The following WDR7 variants were observed in gnomAD, a reference collection of about 807,000 sequenced individuals.
WDR7 encodes the protein WD repeat-containing protein 7.
In WDR7, 46 loss-of-function variants were observed where a neutral mutation model predicts 169.4. The ratio of observed to expected loss-of-function variants is 0.27; its 90% CI spans 0.21 to 0.35. WDR7 has a LOEUF of 0.35. WDR7 is among the 10% of genes least tolerant of loss of function. WDR7 has a pLI of 1.00. For missense variants in WDR7, 1,534 were observed against 1,859.3 expected (o/e 0.83, Z 3.22); for synonymous variants, 612 against 666.8 (o/e 0.92, Z 1.27).
At chr18:56,761,021 G>A (rs951503225) in intron 16 of WDR7, among the ~76,000 whole-genome samples, 58 of 152,018 alleles carry the variant, frequency 3.8e-4, no homozygotes, top group Non-Finnish European at 2.2e-4. Context: ...TGAAGTAAAT[G>A]TTCAACTCTT....
chr18:56,740,431 G>A (rs1187027043), intron 14 of WDR7, among the ~76,000 whole-genome samples: 3 of 151,974 alleles, frequency 2.0e-5, no homozygotes, highest in Admixed American at 2.0e-4. Context: ...GTTATATGCT[G>A]TAATCTCTTG....
intron 20 of WDR7, among the ~76,000 whole-genome samples, chr18:56,845,775 TAA>T (rs981349173): frequency 3.9e-5 from 6 of 152,176 alleles, no homozygotes; most frequent in Non-Finnish European, 5.9e-5. Flanking sequence ...GTATTAGATA[TAA>T]GTTTCTTTCT....
intron 3 of WDR7, 53 bp downstream of exon 3, chr18:56,679,491 C>T: frequency 7.4e-7 from 1 of 1,343,248 alleles, no homozygotes; most frequent in Non-Finnish European, 1.0e-6. Flanking sequence ...TAACTAGCAC[C>T]AATGCCTTGT....
chr18:56,916,566 G>A (rs2028112), intron 21 of WDR7, among the ~76,000 whole-genome samples: 122,907 of 151,604 alleles, frequency 0.81, 50,291 homozygotes, highest in East Asian at 0.98. Context: ...GGCTGGGAAC[G>A]ACGTCACTAG....
chr18:56,850,492 ATTAT>A (rs781681017), intron 20 of WDR7, among the ~76,000 whole-genome samples: 18 of 152,062 alleles, frequency 1.2e-4, no homozygotes, highest in Admixed American at 1.2e-3. Context: ...ACTGACCTTC[ATTAT>A]TTATTTATGT....
chr18:56,982,062 G>A (rs17683730), intron 26 of WDR7, among the ~76,000 whole-genome samples: 35,468 of 151,990 alleles, frequency 0.23, 4,344 homozygotes, highest in Middle Eastern at 0.35. Context: ...ATTCTGAACC[G>A]TTTTAATATC....
intron 20 of WDR7, among the ~76,000 whole-genome samples, chr18:56,861,039 A>G (rs1235515811): frequency 6.6e-6 from 1 of 152,170 alleles, no homozygotes; most frequent in Non-Finnish European, 1.5e-5. Context: ...CAAATGTTTT[A>G]CATTAAAAAA....
chr18:57,027,350 G>A lies in WDR7; in HGVS notation c.*143G>A. The A allele has an allele frequency of 9.8e-7, 1 of 1,023,818 alleles. No homozygotes were observed. Among genetic ancestry groups the A allele is most frequent in the South Asian group, 1.6e-5 (1 of 61,354 alleles). The allele number at this position is 1,023,818 out of a possible 1,614,324, so 63.4% of individuals were successfully genotyped here. A position where few individuals can be genotyped will look rare whatever the true frequency, so the allele number is the denominator to read the frequency against. Reference sequence around the variant, plus strand: ...GTGGCACGGCCGGGTCTTGTCACTTGTGCATGCTTCTCAGGGGCAGAACCC... The same window carrying A: ...GTGGCACGGCCGGGTCTTGTCACTTATGCATGCTTCTCAGGGGCAGAACCC... On this transcript the variant is annotated 3_prime_UTR_variant, in exon 28 of 28. Transcript: ENST00000254442.
At chr18:56,716,599 G>A (rs1265586563) in intron 12 of WDR7, among the ~76,000 whole-genome samples, 1 of 152,164 alleles carries the variant, frequency 6.6e-6, no homozygotes, top group Non-Finnish European at 1.5e-5. Context: ...AGGGGAGAAA[G>A]CAAATGAGAC....
At chr18:56,783,896 C>T (rs1464096195) in intron 19 of WDR7, among the ~76,000 whole-genome samples, 1 of 152,102 alleles carries the variant, frequency 6.6e-6, no homozygotes, top group Admixed American at 6.6e-5. Context: ...CAAAATATAG[C>T]CACAAATTAC....
At chr18:56,804,543 A>C (rs538767051) in intron 19 of WDR7, among the ~76,000 whole-genome samples, 2 of 152,350 alleles carry the variant, frequency 1.3e-5, no homozygotes, top group South Asian at 2.1e-4. Flanking sequence ...CTGGTATGCT[A>C]ATGACAGTCA....
At chr18:56,684,908 G>C (rs2025415090) in intron 5 of WDR7, among the ~76,000 whole-genome samples, 2 of 152,110 alleles carry the variant, frequency 1.3e-5, no homozygotes, top group Non-Finnish European at 2.9e-5. Context: ...TAATTTTCCA[G>C]GCAATAGGGA....
intron 19 of WDR7, among the ~76,000 whole-genome samples, chr18:56,793,656 T>C (rs9964563): frequency 0.026 from 4,017 of 152,328 alleles, 72 homozygotes; most frequent in African/African-American, 0.051. Flanking sequence ...TTATCATTGG[T>C]TATACATGCC....
chr18:56,698,843 T>G (rs2025763179), intron 12 of WDR7, among the ~76,000 whole-genome samples: 2 of 152,190 alleles, frequency 1.3e-5, no homozygotes, highest in Non-Finnish European at 2.9e-5. Flanking sequence ...TTGCAATTTG[T>G]AATTTAGTTA....
In WDR7 at chr18:57,027,533, A is replaced by G. The variant is rs561261878; in HGVS notation, c.*326A>G. On this transcript the variant is annotated 3_prime_UTR_variant, in exon 28 of 28. Transcript: ENST00000254442. ...TGGTGCAACAGAAGCACAAAAATCA[A>G]TAAACACTGTGATTGCACTCCCAGC... 10 of 373,422 alleles carry G rather than the reference A, an allele frequency of 2.7e-5. No homozygotes were observed. The highest frequency in any genetic ancestry group is 1.5e-3 in the Middle Eastern group (2 of 1,338). The allele number at this position is 373,422 out of a possible 1,614,324, so 23.1% of individuals were successfully genotyped here. A position where few individuals can be genotyped will look rare whatever the true frequency, so the allele number is the denominator to read the frequency against.
chr18:57,010,340 T>C (rs1392007840), intron 26 of WDR7: 2 of 964,566 alleles, frequency 2.1e-6, no homozygotes, highest in African/African-American at 1.8e-5. Context: ...ACTATTCTTT[T>C]ATTTAAAACA....
intron 25 of WDR7, among the ~76,000 whole-genome samples, chr18:56,941,064 AT>A (rs1202431059): frequency 6.6e-6 from 1 of 152,178 alleles, no homozygotes; most frequent in African/African-American, 2.4e-5. Context: ...ATTTAATAAC[AT>A]TTATTGAACA....
At chr18:56,731,355 A>G in intron 13 of WDR7, 28 bp from the exon 14 acceptor site, 1 of 1,604,906 alleles carries the variant, frequency 6.2e-7, no homozygotes, top group Non-Finnish European at 8.5e-7. Flanking sequence ...AGTGTTATGA[A>G]ATATTTGTGA....
chr18:56,934,581 C>G (rs933071178), intron 22 of WDR7, among the ~76,000 whole-genome samples: 10 of 152,090 alleles, frequency 6.6e-5, no homozygotes, highest in Non-Finnish European at 1.2e-4. Context: ...AGAAGAGAGA[C>G]AGTTATACTA....
Sources: gnomAD v4.1 joint callset for allele counts (sites outside exome capture counted in the v4.1 genomes callset) on GRCh38, gnomAD v4.1.1 for gene constraint, MANE v1.5 for transcripts, NCBI Gene and HGNC (gene_info 2026-07-23, HGNC 2026-07-21) for gene names.